OTOG: variants seen among roughly 807,000 people sequenced by gnomAD.
The protein encoded by OTOG is otogelin.
OTOG carries 296 observed loss-of-function variants against 313.8 expected under a neutral mutation model. The ratio of observed to expected loss-of-function variants is 0.94; its 90% CI spans 0.86 to 1.04. OTOG has a LOEUF of 1.04. Ranked by LOEUF, OTOG falls within the 50% of genes least tolerant of loss-of-function variation. The pLI, the probability that OTOG is intolerant of heterozygous loss-of-function variation, is 0.00. For synonymous variants in OTOG, 1,533 were observed against 1,554.9 expected (o/e 0.99, Z 0.33); for missense variants, 3,948 against 3,840.1 (o/e 1.03, Z -0.74).
chr11:17,629,038 GGATGGATGGATGAATGGATGGACGGACA>G, intron 39 of OTOG, 67 bp from the exon 40 acceptor site: 1 of 1,231,984 alleles, frequency 8.1e-7, no homozygotes, highest in Non-Finnish European at 1.1e-6. Context: ...ATGGGTGGAT[GGATGGATGGATGAATGGATGGACGGACA>G]GATGGATGGA....
rs778865165 is a variant in OTOG at position 17,605,910 on chromosome 11, G to A, written c.3931G>A (p.Val1311Ile). Residue 1311 changes from valine (V) to isoleucine (I), a missense_variant, in exon 33 of 56, where the codon GTC becomes ATC. Val to Ile is a conservative substitution (Grantham distance 29). Transcript: ENST00000399397. Reference sequence around the variant, plus strand: ...AGACAGACCCAACTTCTTCCTTCACGTCACAGCCAACGGGTCTCTGGAGCT... The same window carrying A: ...AGACAGACCCAACTTCTTCCTTCACATCACAGCCAACGGGTCTCTGGAGCT... ...AADRPNFFLH[V>I]TANGSLELAK... 9.7e-6 allele frequency: 15 copies of A among 1,550,278 alleles called. No homozygotes were observed. The highest frequency in any genetic ancestry group is 5.9e-5 in the Admixed American group (3 of 50,972).
At chr11:17,601,079 C>G (rs1207238396) in intron 31 of OTOG, among the ~76,000 whole-genome samples, 1 of 152,220 alleles carries the variant, frequency 6.6e-6, no homozygotes, top group Non-Finnish European at 1.5e-5. Flanking sequence ...AATCCAGAAG[C>G]CCTACAAACC....
intron 3 of OTOG, among the ~76,000 whole-genome samples, chr11:17,551,742 G>A (rs1476000563): frequency 6.6e-6 from 1 of 152,146 alleles, no homozygotes; most frequent in Non-Finnish European, 1.5e-5. Flanking sequence ...TTCCAGCCAT[G>A]GGCCTCATGG....
chr11:17,592,603 T>C (rs1852975602), intron 25 of OTOG, among the ~76,000 whole-genome samples: 1 of 152,194 alleles, frequency 6.6e-6, no homozygotes, highest in Non-Finnish European at 1.5e-5. Flanking sequence ...ACAATGTGCT[T>C]TTTTTACTTA....
chr11:17,645,912 G>A lies in OTOG; in HGVS notation c.8710G>A (p.Glu2904Lys). The A allele has an allele frequency of 1.3e-6, 2 of 1,550,132 alleles. No individual in the cohort carries two copies. The highest frequency in any genetic ancestry group is 1.7e-6 in the Non-Finnish European group (2 of 1,146,998). Residue 2904 changes from glutamate (E) to lysine (K), a missense_variant, in exon 56 of 56, where the codon GAG becomes AAG. Transcript: ENST00000399397. The part of the protein sequence containing the change: ...NATWVPYTVQ[E>K]PTDCACQWS ...CACCTGGGTGCCCTATACAGTGCAG[G>A]AGCCCACCGACTGTGCCTGCCAGTG...
intron 31 of OTOG, among the ~76,000 whole-genome samples, chr11:17,601,308 G>A (rs1265139948): frequency 6.6e-6 from 1 of 152,146 alleles, no homozygotes; most frequent in Non-Finnish European, 1.5e-5. Context: ...AGCTTCACAA[G>A]GAGGTGACAT....
At chr11:17,556,203 A>C (rs1332483883) in intron 7 of OTOG, among the ~76,000 whole-genome samples, 4 of 152,132 alleles carry the variant, frequency 2.6e-5, no homozygotes, top group African/African-American at 9.7e-5. Flanking sequence ...TTTCCCTCCC[A>C]AAATCTTCCC....
Position 17,634,274 on chromosome 11 carries a change from T to C in OTOG, c.7473T>C (p.Thr2491=). The C allele has an allele frequency of 6.5e-7, 1 of 1,550,158 alleles. No homozygotes were observed. Among genetic ancestry groups the C allele is most frequent in the South Asian group, 1.2e-5 (1 of 84,050 alleles). The change falls in exon 44 of 56, where the codon ACT becomes ACC. Residue 2491 remains threonine, a synonymous_variant. Transcript: ENST00000399397. ...LPTKDPCCLG[T]VCVCNQTLCE... The stretch of plus-strand genomic sequence containing the variant: ...CCAAGGACCCCTGCTGCCTGGGGAC[T>C]GTCTGTGGTGAGTGTCCACCTTCAC...
At chr11:17,550,027 T>C (rs1468451938) in intron 3 of OTOG, among the ~76,000 whole-genome samples, 1 of 152,168 alleles carries the variant, frequency 6.6e-6, no homozygotes, top group African/African-American at 2.4e-5. Context: ...TAGACAGGGG[T>C]CCATGGATGG....
rs1432849409 is a variant in OTOG, at chr11:17,610,514, C to A, written c.5214C>A (p.Ala1738=). ...AGHSQPMGSP[A]SPQPHPLPSA... is the part of the protein sequence containing the mutation. ...ACAGCCAGCCCATGGGCTCGCCTGC[C>A]TCCCCACAGCCACACCCACTCCCCT... is the stretch of plus-strand genomic sequence containing the variant. Residue 1738 remains alanine (A), a synonymous_variant, in exon 36 of 56, where the codon GCC becomes GCA. Coordinates refer to ENST00000399397, the MANE Select transcript of OTOG (RefSeq NM_001292063.2). 2 of 1,550,494 alleles carry A rather than the reference C, an allele frequency of 1.3e-6. No individual in the cohort carries two copies. Among genetic ancestry groups the A allele is most frequent in the East Asian group, 4.9e-5 (2 of 40,926 alleles).
rs151105465 is a variant in OTOG at position 17,632,517 on chromosome 11, C to G, written c.7072+291C>G. On this transcript the variant is annotated intron_variant, in intron 42 of 55. Transcript: ENST00000399397. ...TTTAGTATTTGCTTTCTTTGCGTCT[C>G]TTCTCTGTAAGTGGAGACTGTAACC... Among the ~76,000 whole-genome samples the G allele has an allele frequency of 4.2e-3, 642 of 152,228 alleles. 3 individuals carry two copies. Among genetic ancestry groups the G allele is most frequent in the African/African-American group, 0.015 (618 of 41,518 alleles).
At chr11:17,606,274 GC>G (rs2134082860) in intron 33 of OTOG, 139 bp downstream of exon 33, 1 of 1,164,700 alleles carries the variant, frequency 8.6e-7, no homozygotes, top group East Asian at 2.6e-5. Context: ...CCACATGGGT[GC>G]CACCCTGAGA....
At chr11:17,602,465 T>TA in intron 32 of OTOG, 88 bp downstream of exon 32, 1 of 1,403,154 alleles carries the variant, frequency 7.1e-7, no homozygotes, top group Non-Finnish European at 9.5e-7. Context: ...TAAGTATCTG[T>TA]AGTGGCCGGA....
chr11:17,617,387 T>A (rs1192984081), intron 39 of OTOG, among the ~76,000 whole-genome samples: 1 of 152,228 alleles, frequency 6.6e-6, no homozygotes, highest in Non-Finnish European at 1.5e-5. Flanking sequence ...CTTGGTAATA[T>A]TTATTCCTTA....
At chr11:17,626,850 T>A (rs187188363) in intron 39 of OTOG, among the ~76,000 whole-genome samples, 1 of 152,196 alleles carries the variant, frequency 6.6e-6, no homozygotes, top group Non-Finnish European at 1.5e-5. Context: ...TTAAGTTAAT[T>A]CTTAGATAAT....
chr11:17,557,126 T>G lies in OTOG; in HGVS notation c.668T>G (p.Leu223Arg). ...EVTHGGMRVQ[L>R]PHVMGSARLQ... ...TGGGATGTGCCCTGCAGGGTCCAAC[T>G]GCCACATGTCATGGGGAGCGCGCGT... is the stretch of plus-strand genomic sequence containing the variant. Residue 223 changes from leucine (L) to arginine (R), a missense_variant, in exon 8 of 56, where the codon CTG becomes CGG. By Grantham distance (102) the Leu-to-Arg change is moderately radical. Transcript: ENST00000399397. 1.3e-6 allele frequency: 2 copies of G among 1,550,156 alleles called. No individual in the cohort carries two copies. The highest frequency in any genetic ancestry group is 8.7e-7 in the Non-Finnish European group (1 of 1,146,978).
Position 17,635,667 on chromosome 11 carries a change from T to G in OTOG, c.7751T>G (p.Val2584Gly). 2 of 1,550,570 alleles carry G rather than the reference T, an allele frequency of 1.3e-6. No homozygotes were observed. Among genetic ancestry groups the G allele is most frequent in the Non-Finnish European group, 1.7e-6 (2 of 1,146,956 alleles). ...TGTCAAGAAGGGGAGGCGCTCACTGTGCACAGGAATACCACGGAACTCTGC... is the reference window on the plus strand; with the variant it reads ...TGTCAAGAAGGGGAGGCGCTCACTGGGCACAGGAATACCACGGAACTCTGC... ...PECQEGEALT[V>G]HRNTTELCCP... Residue 2584 changes from valine to glycine, a missense_variant, in exon 47 of 56, where the codon GTG (valine) becomes GGG (glycine). Val to Gly is a moderately radical substitution (Grantham distance 109). Coordinates refer to ENST00000399397, the MANE Select transcript of OTOG (RefSeq NM_001292063.2).
rs555234669 is a variant in OTOG at position 17,583,161 on chromosome 11, G to T, written c.2760-3313G>T. ...ATTATTATTTTTTTTTACAGACAAG[G>T]TCTTGCTCTGCTGCTCAGGCAGGAG... is the stretch of plus-strand genomic sequence containing the variant. On this transcript the variant is annotated intron_variant, in intron 23 of 55. Coordinates refer to ENST00000399397, the MANE Select transcript of OTOG (RefSeq NM_001292063.2). Among the ~76,000 whole-genome samples the T allele has an allele frequency of 2.0e-5, 3 of 151,876 alleles. No homozygotes were observed. In the East Asian group the frequency reaches 5.8e-4, roughly 29 times the overall value.
chr11:17,609,817 C>G lies in OTOG; in HGVS notation c.4517C>G (p.Thr1506Ser). ...GCCCTCACCCCAGCTGCCCCACTCACCACAGCCCTGAACCCACCAGTGACA... is the reference window on the plus strand; with the variant it reads ...GCCCTCACCCCAGCTGCCCCACTCAGCACAGCCCTGAACCCACCAGTGACA... Reference protein sequence around the residue: ...RPALTPAAPLTTALNPPVTAT... With the variant: ...RPALTPAAPLSTALNPPVTAT... Residue 1506 changes from threonine (T) to serine (S), a missense_variant, in exon 36 of 56, where the codon ACC becomes AGC. By Grantham distance (58) the Thr-to-Ser change is moderately conservative. Transcript: ENST00000399397. 1 of 1,542,276 alleles carries G rather than the reference C, an allele frequency of 6.5e-7. No individual in the cohort carries two copies.
Sources: allele counts gnomAD v4.1 joint callset (sites outside exome capture counted in the v4.1 genomes callset), GRCh38; gene constraint gnomAD v4.1.1; transcripts MANE v1.5; gene names NCBI Gene and HGNC (gene_info 2026-07-23, HGNC 2026-07-21).